OCSTAMP: variants seen among roughly 807,000 people sequenced by gnomAD.
OCSTAMP encodes the protein osteoclast stimulatory transmembrane protein.
In OCSTAMP, 17 loss-of-function variants were observed where a neutral mutation model predicts 25.2. That is an observed-to-expected ratio of 0.68 (90% CI 0.46 to 1.01). The LOEUF (loss-of-function observed/expected upper bound fraction) is 1.01, where lower values mean the gene tolerates loss of function less well. Among genes scored for constraint, OCSTAMP ranks in the 50% least tolerant of loss-of-function variants. The pLI is 0.00. For synonymous variants in OCSTAMP, 345 were observed against 318.9 expected, an observed-to-expected ratio of 1.08 and a Z score of -0.87; for missense variants, 664 against 694.6, an observed-to-expected ratio of 0.96 and a Z score of 0.50.
At chr20:46,550,268 C>T (rs2061866732) in intron 1 of OCSTAMP, among the ~76,000 whole-genome samples, 1 of 152,178 alleles carries the variant, frequency 6.6e-6, no homozygotes, top group Non-Finnish European at 1.5e-5. Context: ...TGAGTGCTTC[C>T]TCTGAGCCAA....
chr20:46,545,549 G>A lies in OCSTAMP; in HGVS notation c.825C>T (p.Leu275=). 1.9e-6 allele frequency: 3 copies of A among 1,551,650 alleles called. No individual in the cohort carries two copies. Among genetic ancestry groups the A allele is most frequent in the South Asian group, 2.4e-5 (2 of 84,058 alleles). Residue 275 remains leucine (L), a synonymous_variant, in exon 2 of 3, where the codon CTC becomes CTT. Coordinates refer to ENST00000279028, the MANE Select transcript of OCSTAMP (RefSeq NM_080721.3). ...GCAGCCAGGTGGGTGGAGGGGCCAG[G>A]AGGTGTGTAGCCTGGGCCTGTGCCA... The part of the protein sequence containing the change: ...QRLAQAQATH[L]LAPPPTWLLQ...
At chr20:46,543,176 G>A (rs758174190) in intron 2 of OCSTAMP, among the ~76,000 whole-genome samples, 1 of 146,706 alleles carries the variant, frequency 6.8e-6, no homozygotes, top group Non-Finnish European at 1.5e-5. Flanking sequence ...TCCTTCCTTC[G>A]TCCCTCCCTC....
In OCSTAMP at chr20:46,541,685, G is replaced by T; in HGVS notation, c.1290C>A (p.Ala430=). 1 of 1,550,170 alleles carries T rather than the reference G, an allele frequency of 6.5e-7. No homozygotes were observed. Residue 430 remains alanine (A), a synonymous_variant, in exon 3 of 3, where the codon GCC becomes GCA. Coordinates refer to ENST00000279028, the MANE Select transcript of OCSTAMP (RefSeq NM_080721.3). ...CCTCCTGGGCTGTGAAGAAGGAAGC[G>T]GCGATGGCATGCCGCAGGCGGCGGG... ...AYARRLRHAI[A]ASFFTAQEAR...
At chr20:46,544,739 A>G (rs75703557) in intron 2 of OCSTAMP, among the ~76,000 whole-genome samples, 2,072 of 152,332 alleles carry the variant, frequency 0.014, 64 homozygotes, top group African/African-American at 0.047. Context: ...GGGCAGCCAC[A>G]GACAATATAT....
At chr20:46,548,550 G>A (rs2146055913) in intron 1 of OCSTAMP, among the ~76,000 whole-genome samples, 1 of 152,332 alleles carries the variant, frequency 6.6e-6, no homozygotes, top group East Asian at 1.9e-4. Flanking sequence ...TGGTTGCCCA[G>A]GAAAGTGGGA....
At chr20:46,545,276 C>A in intron 2 of OCSTAMP, 51 bp downstream of exon 2, 4 of 1,420,976 alleles carry the variant, frequency 2.8e-6, no homozygotes, top group Non-Finnish European at 3.7e-6. Context: ...CAGATTCTCC[C>A]CCTGCCCTCA....
In OCSTAMP at chr20:46,546,107, G is replaced by C; in HGVS notation, c.267C>G (p.Gly89=). ...GGCCCAGGCTCAGGAAGACCAGGAG[G>C]CCACAGACAGTGGCAACCATGGCTG... ...GPSAMVATVC[G]LLVFLSLGLV... Residue 89 remains glycine, a synonymous_variant, in exon 2 of 3, where the codon GGC becomes GGG. Transcript: ENST00000279028. The C allele has an allele frequency of 3.2e-6, 5 of 1,551,802 alleles. No homozygotes were observed. The highest frequency in any genetic ancestry group is 2.6e-6 in the Non-Finnish European group (3 of 1,147,012).
In OCSTAMP at chr20:46,541,250, C is replaced by T. The variant is rs182471578; in HGVS notation, c.*24G>A. The T allele has an allele frequency of 2.0e-5, 14 of 712,078 alleles. No homozygotes were observed. The highest frequency in any genetic ancestry group is 1.0e-4 in the Admixed American group (5 of 49,734). 44.1% of individuals were successfully genotyped at this position (712,078 alleles called of 1,614,324 possible). A position where few individuals can be genotyped will look rare whatever the true frequency, so the allele number is the denominator to read the frequency against. On this transcript the variant is annotated 3_prime_UTR_variant, in exon 3 of 3. Transcript: ENST00000279028. ...GAGCTCTCTCTGCACTCCTTGTCTT[C>T]GCCTTTGCATGGTTCTTTACCGGTT...
rs868469717 is a variant in OCSTAMP at position 46,541,623 on chromosome 20, C to T, written c.1352G>A (p.Arg451Gln). ...RVRHLHARLQ[R>Q]RHDRHQGQQL... ...CTGGCCTTGGTGCCTGTCGTGTCTT[C>T]GCTGGAGCCGGGCGTGCAGGTGGCG... The change falls in exon 3 of 3, where the codon CGA becomes CAA. Residue 451 changes from arginine (R) to glutamine (Q), a missense_variant. Transcript: ENST00000279028. 2.3e-5 allele frequency: 35 copies of T among 1,551,464 alleles called. No individual in the cohort carries two copies. The highest frequency in any genetic ancestry group is 2.8e-5 in the Non-Finnish European group (32 of 1,146,984).
At chr20:46,550,429 G>A in intron 1 of OCSTAMP, 88 bp downstream of exon 1, 1 of 1,168,534 alleles carries the variant, frequency 8.6e-7, no homozygotes, top group Non-Finnish European at 1.2e-6. Flanking sequence ...GAATGGCAGA[G>A]CTGAAGATTT....
intron 2 of OCSTAMP, among the ~76,000 whole-genome samples, chr20:46,543,305 C>CTTTCTTT: frequency 1.6e-5 from 2 of 128,408 alleles, no homozygotes; most frequent in South Asian, 5.3e-4. Context: ...CTTTCTCTTT[C>CTTTCTTT]CTTTCTTTCT....
Position 46,545,533 on chromosome 20 carries a change from T to C in OCSTAMP, c.841A>G (p.Thr281Ala). The C allele has an allele frequency of 6.4e-7, 1 of 1,551,306 alleles. No individual in the cohort carries two copies. The highest frequency in any genetic ancestry group is 8.7e-7 in the Non-Finnish European group (1 of 1,146,822). The change falls in exon 2 of 3, where the codon ACC (threonine) becomes GCC (alanine). Residue 281 changes from threonine (T) to alanine (A), a missense_variant. Physicochemically the swap from Thr to Ala is moderately conservative, Grantham distance 58. Transcript: ENST00000279028. ...AGCTGAGCCGCCTGGAGCAGCCAGG[T>C]GGGTGGAGGGGCCAGGAGGTGTGTA... ...QATHLLAPPP[T>A]WLLQAAQLRL...
Position 46,545,871 on chromosome 20 carries a change from T to C in OCSTAMP, c.503A>G (p.His168Arg). The change falls in exon 2 of 3, where the codon CAT becomes CGT. Residue 168 changes from histidine (H) to arginine (R), a missense_variant. His to Arg is a conservative substitution (Grantham distance 29). Transcript: ENST00000279028. Reference sequence around the variant, plus strand: ...GGGGCCCAGAGCCCTGGATGCTGCATGCAGCTGGTGAGTGGTATTGAGGAG... The same window carrying C: ...GGGGCCCAGAGCCCTGGATGCTGCACGCAGCTGGTGAGTGGTATTGAGGAG... Reference protein sequence around the residue: ...ESLLNTTHQLHAASRALGPTG... With the variant: ...ESLLNTTHQLRAASRALGPTG... The C allele has an allele frequency of 1.3e-6, 2 of 1,551,360 alleles. No individual in the cohort carries two copies. Among genetic ancestry groups the C allele is most frequent in the East Asian group, 4.9e-5 (2 of 40,916 alleles).
intron 2 of OCSTAMP, 84 bp from the exon 3 acceptor site, chr20:46,542,011 C>T: frequency 7.3e-7 from 1 of 1,360,766 alleles, no homozygotes; most frequent in Non-Finnish European, 9.4e-7. Flanking sequence ...CCAGCTTTCC[C>T]TGCCTTCATC....
intron 1 of OCSTAMP, 45 bp downstream of exon 1, chr20:46,550,472 G>A (rs781557218): frequency 2.4e-5 from 36 of 1,530,636 alleles, no homozygotes; most frequent in South Asian, 2.4e-5. Flanking sequence ...ATGGCTGACT[G>A]TTTTCTCACC....
intron 1 of OCSTAMP, among the ~76,000 whole-genome samples, chr20:46,548,795 CCAAGT>C (rs2061861077): frequency 6.6e-6 from 1 of 152,182 alleles, no homozygotes; most frequent in South Asian, 2.1e-4. Flanking sequence ...TCTAGTTGAT[CCAAGT>C]ACCTCTGATC....
chr20:46,548,715 G>A (rs569270289), intron 1 of OCSTAMP, among the ~76,000 whole-genome samples: 2 of 152,304 alleles, frequency 1.3e-5, no homozygotes, highest in African/African-American at 4.8e-5. Flanking sequence ...GGCTGTCACT[G>A]TGTTGGTTAC....
intron 1 of OCSTAMP, among the ~76,000 whole-genome samples, chr20:46,547,410 T>C (rs2146055164): frequency 6.6e-6 from 1 of 152,114 alleles, no homozygotes; most frequent in East Asian, 1.9e-4. Flanking sequence ...CTCAAGAGAG[T>C]GTGTCACTGG....
At position 46,545,981 on chromosome 20, in the gene OCSTAMP, G is replaced by T; in HGVS notation, c.393C>A (p.Ala131=). The part of the protein sequence containing the change: ...LLLSYSTATL[A]IAVVPNVLAN... ...CCAGGACGTTGGGCACCACAGCAAT[G>T]GCCAGGGTGGCAGTGCTGTAGGACA... Residue 131 remains alanine, a synonymous_variant, in exon 2 of 3, where the codon GCC becomes GCA. Coordinates refer to ENST00000279028, the MANE Select transcript of OCSTAMP (RefSeq NM_080721.3). The T allele has an allele frequency of 3.2e-6, 5 of 1,551,400 alleles. No homozygotes were observed. Among genetic ancestry groups the T allele is most frequent in the Middle Eastern group, 1.7e-4 (1 of 5,970 alleles).
Sources: gnomAD v4.1 joint callset for allele counts (sites outside exome capture counted in the v4.1 genomes callset) on GRCh38, gnomAD v4.1.1 for gene constraint, MANE v1.5 for transcripts, NCBI Gene and HGNC (gene_info 2026-07-23, HGNC 2026-07-21) for gene names.